The following ROBO1 variants were observed in gnomAD, a reference collection of about 807,000 sequenced individuals.
The protein encoded by ROBO1 is roundabout guidance receptor 1.
Under a neutral mutation model 195.9 loss-of-function variants are expected in ROBO1, and 149 were observed. The ratio of observed to expected loss-of-function variants is 0.76; its 90% CI spans 0.67 to 0.87. The LOEUF (loss-of-function observed/expected upper bound fraction) is 0.87, where lower values mean the gene tolerates loss of function less well. Among genes scored for constraint, ROBO1 ranks in the 40% least tolerant of loss-of-function variants. The pLI is 0.00. For synonymous variants in ROBO1, 816 were observed against 733.2 expected (o/e 1.11, Z -1.82); for missense variants, 1,933 against 2,068.3 (o/e 0.93, Z 1.27).
intron 2 of ROBO1, among the ~76,000 whole-genome samples, chr3:79,513,101 G>A (rs1940787827): frequency 1.3e-5 from 2 of 152,144 alleles, no homozygotes; most frequent in Middle Eastern, 6.8e-3. Context: ...AAACCCCATG[G>A]AAGATAACAA....
At chr3:79,425,991 A>G (rs1254125716) in intron 2 of ROBO1, among the ~76,000 whole-genome samples, 1 of 152,204 alleles carries the variant, frequency 6.6e-6, no homozygotes, top group East Asian at 1.9e-4. Flanking sequence ...AAATTGATTA[A>G]GAAATTTTTA....
At chr3:79,603,174 G>A (rs1349445632) in intron 1 of ROBO1, among the ~76,000 whole-genome samples, 1 of 151,934 alleles carries the variant, frequency 6.6e-6, no homozygotes, top group Non-Finnish European at 1.5e-5. Context: ...TTGAAATTAA[G>A]ATGGCCTAAA....
intron 3 of ROBO1, among the ~76,000 whole-genome samples, chr3:78,976,996 A>C (rs1473754075): frequency 6.6e-6 from 1 of 152,198 alleles, no homozygotes; most frequent in Non-Finnish European, 1.5e-5. Flanking sequence ...AAATTTCTTC[A>C]TGCTATTTGA....
intron 3 of ROBO1, among the ~76,000 whole-genome samples, chr3:79,032,983 T>C (rs2078323000): frequency 1.3e-5 from 2 of 152,032 alleles, no homozygotes; most frequent in African/African-American, 4.8e-5. Flanking sequence ...ATATGGAAGA[T>C]GACACAGCTC....
At chr3:78,934,189 A>G (rs1322038677) in intron 4 of ROBO1, among the ~76,000 whole-genome samples, 1 of 151,970 alleles carries the variant, frequency 6.6e-6, no homozygotes, top group East Asian at 1.9e-4. Flanking sequence ...TAGCAAAAAC[A>G]ATTGAGACTT....
At chr3:79,463,399 C>CAAAAAAAAAAAAAA (rs139236000) in intron 2 of ROBO1, among the ~76,000 whole-genome samples, 1 of 140,478 alleles carries the variant, frequency 7.1e-6, no homozygotes, top group African/African-American at 2.7e-5. Flanking sequence ...AAACAAAAAA[C>CAAAAAAAAAAAAAA]AAAAAACAAA....
At chr3:78,988,219 C>T (rs574766384) in intron 3 of ROBO1, among the ~76,000 whole-genome samples, 6 of 152,160 alleles carry the variant, frequency 3.9e-5, no homozygotes, top group Admixed American at 1.3e-4. Flanking sequence ...CAACTTAATT[C>T]GAAGTTCCCT....
intron 2 of ROBO1, among the ~76,000 whole-genome samples, chr3:79,432,351 T>C (rs919023719): frequency 6.6e-6 from 1 of 152,118 alleles, no homozygotes. Flanking sequence ...ATGTGTTCCA[T>C]GTGAAATGGG....
chr3:79,090,466 G>A (rs1337032439), intron 3 of ROBO1, among the ~76,000 whole-genome samples: 14 of 47,894 alleles, frequency 2.9e-4, no homozygotes, highest in Non-Finnish European at 5.4e-4. Context: ...CCCTCCCCCC[G>A]CTTCCCTCCT....
At chr3:79,744,864 A>T (rs1409114011) in intron 1 of ROBO1, among the ~76,000 whole-genome samples, 1 of 152,124 alleles carries the variant, frequency 6.6e-6, no homozygotes, top group Non-Finnish European at 1.5e-5. Flanking sequence ...GATGAATGAT[A>T]AAAAATTACA....
intron 4 of ROBO1, among the ~76,000 whole-genome samples, chr3:78,843,295 C>T (rs576095608): frequency 5.3e-5 from 8 of 152,078 alleles, no homozygotes; most frequent in African/African-American, 1.9e-4. Flanking sequence ...AAAATCAATA[C>T]CTCCTTCATT....
intron 4 of ROBO1, among the ~76,000 whole-genome samples, chr3:78,915,328 A>G (rs749085291): frequency 8.5e-5 from 13 of 152,176 alleles, no homozygotes; most frequent in African/African-American, 2.2e-4. Flanking sequence ...AAAAATTACC[A>G]CCAGGTGTTT....
intron 2 of ROBO1, among the ~76,000 whole-genome samples, chr3:79,271,063 T>C (rs183044229): frequency 6.6e-6 from 1 of 152,074 alleles, no homozygotes; most frequent in Admixed American, 6.6e-5. Flanking sequence ...TATTATCATG[T>C]CATAGCCAAT....
intron 1 of ROBO1, among the ~76,000 whole-genome samples, chr3:79,688,881 C>A (rs1406539058): frequency 6.6e-6 from 1 of 151,968 alleles, no homozygotes; most frequent in African/African-American, 2.4e-5. Flanking sequence ...CACATGCATG[C>A]ACATGTAAAA....
intron 2 of ROBO1, among the ~76,000 whole-genome samples, chr3:79,562,448 G>A (rs1387796575): frequency 2.0e-5 from 3 of 152,038 alleles, no homozygotes; most frequent in Non-Finnish European, 4.4e-5. Flanking sequence ...CTGGTCATTA[G>A]AGAAATGCAA....
chr3:78,916,346 AC>A (rs2038586001), intron 4 of ROBO1, among the ~76,000 whole-genome samples: 1 of 151,798 alleles, frequency 6.6e-6, no homozygotes, highest in South Asian at 2.1e-4. Context: ...TGAGGTCAAA[AC>A]TCGAGACCAG....
At chr3:78,912,435 A>C (rs1289624395) in intron 4 of ROBO1, among the ~76,000 whole-genome samples, 1 of 152,102 alleles carries the variant, frequency 6.6e-6, no homozygotes, top group Non-Finnish European at 1.5e-5. Context: ...TACACAATAC[A>C]AGGCACGTTG....
chr3:79,274,591 A>G (rs2030863309), intron 2 of ROBO1, among the ~76,000 whole-genome samples: 1 of 152,010 alleles, frequency 6.6e-6, no homozygotes, highest in Non-Finnish European at 1.5e-5. Context: ...ATGTTGAACT[A>G]GAAAAGCAAG....
intron 1 of ROBO1, among the ~76,000 whole-genome samples, chr3:79,623,556 A>G (rs1945076917): frequency 6.6e-6 from 1 of 152,208 alleles, no homozygotes; most frequent in African/African-American, 2.4e-5. Flanking sequence ...CATACATAAG[A>G]ATCAACAGTT....
Sources: gnomAD v4.1 joint callset for allele counts (sites outside exome capture counted in the v4.1 genomes callset) on GRCh38, gnomAD v4.1.1 for gene constraint, MANE v1.5 for transcripts, NCBI Gene and HGNC (gene_info 2026-07-23, HGNC 2026-07-21) for gene names.